The following SLC37A1 variants were observed in gnomAD, a reference collection of about 807,000 sequenced individuals.
SLC37A1 encodes glucose-6-phosphate exchanger SLC37A1.
Under a neutral mutation model 75.3 loss-of-function variants are expected in SLC37A1, and 49 were observed. The ratio of observed to expected loss-of-function variants is 0.65; its 90% confidence interval spans 0.52 to 0.83. The LOEUF (loss-of-function observed/expected upper bound fraction) is 0.83. SLC37A1 is among the 40% of genes least tolerant of loss of function. The pLI is 0.00. For synonymous variants in SLC37A1, 268 were observed against 292.1 expected (o/e 0.92, Z 0.84); for missense variants, 566 against 695.0 (o/e 0.81, Z 2.09).
At chr21:42,575,595 GT>G in intron 18 of SLC37A1, 1 of 985,400 alleles carries the variant, frequency 1.0e-6, no homozygotes, top group Non-Finnish European at 1.2e-6. Flanking sequence ...GCTGTGAGGG[GT>G]GCATACACAT....
In SLC37A1 at chr21:42,518,310, G is replaced by A. The variant is rs769453093; in HGVS notation, c.-145G>A. On this transcript the variant is annotated 5_prime_UTR_variant, in exon 2 of 20. Coordinates refer to ENST00000352133, the MANE Select transcript of SLC37A1 (RefSeq NM_001320537.2). ...GCCACTGCCAGAAGGAAGGGGACAA[G>A]ACCCAGCAGGACACCTTCTTTCCAC... is the stretch of plus-strand genomic sequence containing the variant. The A allele has an allele frequency of 1.6e-5, 15 of 954,760 alleles. No homozygotes were observed. The highest frequency in any genetic ancestry group is 4.9e-4 in the Middle Eastern group (2 of 4,052). The allele number at this position is 954,760 out of a possible 1,614,324, so 59.1% of individuals were successfully genotyped here. A position where few individuals can be genotyped will look rare whatever the true frequency, so the allele number is the denominator to read the frequency against.
chr21:42,530,101 A>G (rs1240961735), intron 3 of SLC37A1, among the ~76,000 whole-genome samples: 1 of 152,270 alleles, frequency 6.6e-6, no homozygotes, highest in African/African-American at 2.4e-5. Context: ...AAGTTTGAAT[A>G]AATTATCACA....
intron 1 of SLC37A1, 143 bp from the exon 2 acceptor site, chr21:42,518,134 T>C (rs6586322): frequency 0.77 from 256,470 of 334,766 alleles, 100,206 homozygotes; most frequent in Non-Finnish European, 0.83. Context: ...ACACTGCTGG[T>C]GGGGGCCCCT....
chr21:42,553,494 T>C (rs1727309834), intron 9 of SLC37A1, among the ~76,000 whole-genome samples: 1 of 152,212 alleles, frequency 6.6e-6, no homozygotes, highest in African/African-American at 2.4e-5. Flanking sequence ...TTTATTCTAG[T>C]GCCCAAGAAA....
chr21:42,580,541 T>C lies in SLC37A1; in HGVS notation c.*181T>C. 1 of 646,430 alleles carries C rather than the reference T, an allele frequency of 1.5e-6. No individual in the cohort carries two copies. The highest frequency in any genetic ancestry group is 2.0e-5 in the South Asian group (1 of 50,942). 40.0% of individuals were successfully genotyped at this position (646,430 alleles called of 1,614,324 possible). A position where few individuals can be genotyped will look rare whatever the true frequency, so the allele number is the denominator to read the frequency against. On this transcript the variant is annotated 3_prime_UTR_variant, in exon 20 of 20. Transcript: ENST00000352133. ...CTGGTGCTATTTTAAAGGAGACATATTGCTGAACAGCAGTGAGAAAAGTCT... is the reference window on the plus strand; with the variant it reads ...CTGGTGCTATTTTAAAGGAGACATACTGCTGAACAGCAGTGAGAAAAGTCT...
chr21:42,530,802 A>C (rs1007777830), intron 3 of SLC37A1, among the ~76,000 whole-genome samples: 5 of 151,998 alleles, frequency 3.3e-5, no homozygotes, highest in Non-Finnish European at 7.4e-5. Context: ...ACTGCCTGAT[A>C]ATCTCCTCTA....
At chr21:42,580,320 G>A in intron 19 of SLC37A1, 25 bp from the exon 20 acceptor site, 5 of 1,610,778 alleles carry the variant, frequency 3.1e-6, no homozygotes, top group Non-Finnish European at 3.4e-6. Flanking sequence ...TGTTAGAGCA[G>A]CTCTTCTTTC....
Position 42,559,097 on chromosome 21 carries a change from AAC to A in SLC37A1, c.981+9_981+10del. 3 of 1,609,674 alleles carry A rather than the reference AAC, an allele frequency of 1.9e-6. No individual in the cohort carries two copies. Among genetic ancestry groups the A allele is most frequent in the Non-Finnish European group, 2.5e-6 (3 of 1,177,698 alleles). On this transcript the variant is annotated intron_variant, in intron 11 of 19. Transcript: ENST00000352133. ...GGGGCCTTGAAAATTCCAGTAAGTAAACGTGCCCAGGAGGAGTTTCAGAAAGG... is the reference window on the plus strand; with the variant it reads ...GGGGCCTTGAAAATTCCAGTAAGTAAGTGCCCAGGAGGAGTTTCAGAAAGG...
At chr21:42,571,452 TAAAGTA>T (rs146926736) in intron 17 of SLC37A1, among the ~76,000 whole-genome samples, 1 of 152,348 alleles carries the variant, frequency 6.6e-6, no homozygotes, top group East Asian at 1.9e-4. Flanking sequence ...TTTTATTTAT[TAAAGTA>T]AAACATAATG....
At chr21:42,559,869 C>A in intron 11 of SLC37A1, among the ~76,000 whole-genome samples, 1 of 118,588 alleles carries the variant, frequency 8.4e-6, no homozygotes. Flanking sequence ...GAGCAAGACT[C>A]TGTCTCAAAA....
intron 2 of SLC37A1, among the ~76,000 whole-genome samples, chr21:42,504,449 G>T (rs2054366602): frequency 6.6e-6 from 1 of 152,142 alleles, no homozygotes; most frequent in Admixed American, 6.5e-5. Context: ...TATGTGTTTA[G>T]TTCTAGAAAC....
chr21:42,576,932 T>A (rs2056320926), intron 18 of SLC37A1, among the ~76,000 whole-genome samples: 1 of 152,242 alleles, frequency 6.6e-6, no homozygotes, highest in Non-Finnish European at 1.5e-5. Context: ...CCTAAAGTTA[T>A]CTGAAAGTAA....
At chr21:42,534,503 C>T (rs138760931) in intron 3 of SLC37A1, among the ~76,000 whole-genome samples, 195 bp from the exon 4 acceptor site, 8 of 152,268 alleles carry the variant, frequency 5.3e-5, no homozygotes, top group South Asian at 4.1e-4. Flanking sequence ...CCTGCTGAAA[C>T]GTCACCAGCA....
intron 3 of SLC37A1, among the ~76,000 whole-genome samples, chr21:42,530,992 C>T (rs889308423): frequency 4.6e-5 from 7 of 152,170 alleles, no homozygotes; most frequent in Non-Finnish European, 7.4e-5. Context: ...TAAATGACTG[C>T]GTGGGGCTCT....
At position 42,547,038 on chromosome 21, in the gene SLC37A1, C is replaced by T. The variant is rs757298394; in HGVS notation, c.731-65C>T. 1.4e-5 allele frequency: 23 copies of T among 1,604,074 alleles called. No homozygotes were observed. The highest frequency in any genetic ancestry group is 1.3e-4 in the South Asian group (12 of 90,842). Reference sequence around the variant, plus strand: ...CCCGTGTTGCCCTGTCCTCGGGTTACGTAGCTTACTTGGCATTGCCATGGT... The same window carrying T: ...CCCGTGTTGCCCTGTCCTCGGGTTATGTAGCTTACTTGGCATTGCCATGGT... On this transcript the variant is annotated intron_variant, in intron 8 of 19. Transcript: ENST00000352133. The surrounding 1 kb of genome is among the most constrained non-coding windows in gnomAD (Gnocchi z 6.1).
chr21:42,539,451 A>C, intron 5 of SLC37A1, 61 bp from the exon 6 acceptor site: 3 of 1,545,456 alleles, frequency 1.9e-6, no homozygotes, highest in Non-Finnish European at 2.6e-6. Flanking sequence ...AACAGCCACG[A>C]GGTTGCTAAC....
At chr21:42,577,014 C>T (rs1448885580) in intron 18 of SLC37A1, among the ~76,000 whole-genome samples, 3 of 152,162 alleles carry the variant, frequency 2.0e-5, no homozygotes, top group Admixed American at 2.0e-4. Flanking sequence ...TTTCCAGATA[C>T]ATGAAAGACA....
At chr21:42,573,374 C>T (rs974406343) in intron 17 of SLC37A1, among the ~76,000 whole-genome samples, 10 of 152,148 alleles carry the variant, frequency 6.6e-5, no homozygotes, top group African/African-American at 1.4e-4. Flanking sequence ...CGCTGGGCCT[C>T]GCTCTGCTCC....
At chr21:42,571,500 A>C (rs1287833771) in intron 17 of SLC37A1, among the ~76,000 whole-genome samples, 1 of 151,540 alleles carries the variant, frequency 6.6e-6, no homozygotes, top group Non-Finnish European at 1.5e-5. Context: ...CTACAAGCTT[A>C]TTATGTTGTA....
Sources: gnomAD v4.1 joint callset for allele counts (sites outside exome capture counted in the v4.1 genomes callset) on GRCh38, gnomAD v4.1.1 for gene constraint, Gnocchi (gnomAD v3.1) non-coding constraint, MANE v1.5 for transcripts, NCBI Gene and HGNC (gene_info 2026-07-23, HGNC 2026-07-21) for gene names.